Variants in GFOD1 observed in about 807,000 individuals in gnomAD.
The protein encoded by GFOD1 is glucose-fructose oxidoreductase domain-containing protein 1.
GFOD1 carries 9 observed loss-of-function variants against 25.4 expected under a neutral mutation model. The observed-to-expected ratio is 0.35, with a 90% CI of 0.21 to 0.62. The LOEUF (loss-of-function observed/expected upper bound fraction) is 0.62. GFOD1 is among the 20% of genes least tolerant of loss of function. GFOD1 has a pLI of 0.72. For missense variants in GFOD1, 403 were observed against 556.9 expected (o/e 0.72, Z 2.78); for synonymous variants, 253 against 245.6 (o/e 1.03, Z -0.28).
chr6:13,422,161 C>T (rs2119482), intron 1 of GFOD1, among the ~76,000 whole-genome samples: 97,555 of 151,586 alleles, frequency 0.64, 32,588 homozygotes, highest in Non-Finnish European at 0.73. Flanking sequence ...TTCTTCTAAT[C>T]GTGCCCTTTT....
At position 13,470,293 on chromosome 6, in the gene GFOD1, T is replaced by C. The variant is rs146969541; in HGVS notation, c.253+16345A>G. 20 of 1,586,858 alleles carry C rather than the reference T, an allele frequency of 1.3e-5. No homozygotes were observed. In the East Asian group the frequency reaches 3.6e-4, roughly 29 times the overall value. On this transcript the variant is annotated intron_variant, in intron 1 of 1. Coordinates refer to ENST00000379287, the MANE Select transcript of GFOD1 (RefSeq NM_018988.4). ...TGGAATCCCCCATGCCAGCAGGCTGTGGCTGGAGGCCCGCTGCATTCAGGC... is the reference window on the plus strand; with the variant it reads ...TGGAATCCCCCATGCCAGCAGGCTGCGGCTGGAGGCCCGCTGCATTCAGGC...
chr6:13,360,538 T>C lies in GFOD1; in HGVS notation c.*4205A>G. On this transcript the variant is annotated 3_prime_UTR_variant, in exon 2 of 2. Transcript: ENST00000379287. ...GAGCAAATTCCAAGGCCATCTATAATAGTCAGCCAACAAGATTTTGAAAAT... is the reference window on the plus strand; with the variant it reads ...GAGCAAATTCCAAGGCCATCTATAACAGTCAGCCAACAAGATTTTGAAAAT... 2 of 370,204 alleles carry C rather than the reference T, an allele frequency of 5.4e-6. No individual in the cohort carries two copies. The highest frequency in any genetic ancestry group is 2.0e-5 in the South Asian group (1 of 50,346). The allele number at this position is 370,204 out of a possible 1,614,324, so 22.9% of individuals were successfully genotyped here. A position where few individuals can be genotyped will look rare whatever the true frequency, so the allele number is the denominator to read the frequency against.
intron 1 of GFOD1, among the ~76,000 whole-genome samples, chr6:13,398,426 G>A (rs1421937166): frequency 6.6e-6 from 1 of 152,116 alleles, no homozygotes; most frequent in Non-Finnish European, 1.5e-5. Context: ...TTGAGTGTAC[G>A]CATTTAGCAA....
chr6:13,477,221 G>GTGTC (rs1758646117), intron 1 of GFOD1, among the ~76,000 whole-genome samples: 2 of 146,662 alleles, frequency 1.4e-5, no homozygotes, highest in Admixed American at 6.8e-5. Flanking sequence ...TAGGGGGTGT[G>GTGTC]TGTGTGTGTG....
chr6:13,482,127 G>T (rs1758766013), intron 1 of GFOD1, among the ~76,000 whole-genome samples: 1 of 148,470 alleles, frequency 6.7e-6, no homozygotes, highest in East Asian at 1.9e-4. Flanking sequence ...ATAAAAATGT[G>T]CATACATGTA....
Position 13,441,049 on chromosome 6 carries a change from T to C in GFOD1, c.253+45589A>G, listed in dbSNP as rs376388357. Among the ~76,000 whole-genome samples, 4 of 152,354 alleles carry C rather than the reference T, an allele frequency of 2.6e-5. No individual in the cohort carries two copies. The East Asian group carries it at 7.7e-4, about 29-fold the overall frequency. On this transcript the variant is annotated intron_variant, in intron 1 of 1. Coordinates refer to ENST00000379287, the MANE Select transcript of GFOD1 (RefSeq NM_018988.4). ...CCATCAGATCATCGTGAAGAAGTCATCTCACAGTCCACATCTACTAAGGTT... is the reference window on the plus strand; with the variant it reads ...CCATCAGATCATCGTGAAGAAGTCACCTCACAGTCCACATCTACTAAGGTT...
At chr6:13,432,970 C>T (rs1757777083) in intron 1 of GFOD1, among the ~76,000 whole-genome samples, 1 of 152,202 alleles carries the variant, frequency 6.6e-6, no homozygotes, top group Non-Finnish European at 1.5e-5. Context: ...GCTCATAGAA[C>T]ATCACTGGTC....
intron 1 of GFOD1, among the ~76,000 whole-genome samples, chr6:13,426,066 C>T (rs1194700461): frequency 6.6e-6 from 1 of 152,220 alleles, no homozygotes; most frequent in Non-Finnish European, 1.5e-5. Context: ...AGTTGGGTTT[C>T]TGAAGTAGCT....
At chr6:13,461,128 G>C (rs561978467) in intron 1 of GFOD1, among the ~76,000 whole-genome samples, 1 of 152,352 alleles carries the variant, frequency 6.6e-6, no homozygotes, top group South Asian at 2.1e-4. Flanking sequence ...TGGGTTATGA[G>C]TGTGTGTACT....
At chr6:13,403,214 C>T (rs1785883085) in intron 1 of GFOD1, among the ~76,000 whole-genome samples, 1 of 151,882 alleles carries the variant, frequency 6.6e-6, no homozygotes. Context: ...CAACCTCTAC[C>T]TCCTGGGTTC....
chr6:13,436,256 A>G (rs1486314124), intron 1 of GFOD1, among the ~76,000 whole-genome samples: 1 of 152,282 alleles, frequency 6.6e-6, no homozygotes, highest in Non-Finnish European at 1.5e-5. Context: ...TAATTTAAAA[A>G]TGAAAGTAAA....
chr6:13,481,750 C>A (rs1312690086), intron 1 of GFOD1, among the ~76,000 whole-genome samples: 1 of 152,172 alleles, frequency 6.6e-6, no homozygotes, highest in African/African-American at 2.4e-5. Context: ...CTGGGAGAGG[C>A]AACAAGGAAA....
intron 1 of GFOD1, among the ~76,000 whole-genome samples, chr6:13,403,719 G>A (rs1399653059): frequency 6.6e-6 from 1 of 152,202 alleles, no homozygotes; most frequent in East Asian, 1.9e-4. Context: ...GATATATGCT[G>A]CAACATGGAT....
intron 1 of GFOD1, among the ~76,000 whole-genome samples, chr6:13,439,172 C>T (rs1017647879): frequency 6.6e-5 from 10 of 152,310 alleles, no homozygotes; most frequent in African/African-American, 2.4e-4. Context: ...TTGTCTAACA[C>T]TACAATAAAG....
chr6:13,393,850 G>T (rs1263427248), intron 1 of GFOD1, among the ~76,000 whole-genome samples: 1 of 142,548 alleles, frequency 7.0e-6, no homozygotes, highest in Non-Finnish European at 1.5e-5. Flanking sequence ...TGCGATCTCG[G>T]CTCACTGCAA....
At chr6:13,389,584 C>T (rs921088057) in intron 1 of GFOD1, among the ~76,000 whole-genome samples, 1 of 150,954 alleles carries the variant, frequency 6.6e-6, no homozygotes, top group Non-Finnish European at 1.5e-5. Flanking sequence ...GGACACAGAG[C>T]AGGGAACATC....
chr6:13,446,101 C>A (rs1441400288), intron 1 of GFOD1, among the ~76,000 whole-genome samples: 1 of 152,188 alleles, frequency 6.6e-6, no homozygotes, highest in Non-Finnish European at 1.5e-5. Context: ...GAGTCTGAAC[C>A]AATTGTTCTG....
chr6:13,395,667 C>A (rs1010519067), intron 1 of GFOD1, among the ~76,000 whole-genome samples: 1 of 152,204 alleles, frequency 6.6e-6, no homozygotes, highest in Non-Finnish European at 1.5e-5. Flanking sequence ...CAACTGGCTG[C>A]CAGTACTCAG....
In GFOD1 at chr6:13,365,148, C is replaced by G. The variant is rs1198914587; in HGVS notation, c.768G>C (p.Gly256=). 6 of 1,613,378 alleles carry G rather than the reference C, an allele frequency of 3.7e-6. No individual in the cohort carries two copies. Among genetic ancestry groups the G allele is most frequent in the Non-Finnish European group, 5.1e-6 (6 of 1,179,858 alleles). ...GGTCGGTGCCCACGGCCAGCAGGCG[C>G]CCGGCTGAGCCCACCACAGTGACAT... ...KQDVTVVGSA[G]RLLAVGTDLY... Residue 256 remains glycine, a synonymous_variant, in exon 2 of 2, where the codon GGG becomes GGC. Transcript: ENST00000379287. This position sits in a 1 kb window ranked among gnomAD's most constrained non-coding sequence, Gnocchi z 9.2.
Sources: gnomAD v4.1 joint callset for allele counts (sites outside exome capture counted in the v4.1 genomes callset) on GRCh38, gnomAD v4.1.1 for gene constraint, Gnocchi (gnomAD v3.1) non-coding constraint, MANE v1.5 for transcripts, NCBI Gene and HGNC (gene_info 2026-07-23, HGNC 2026-07-21) for gene names.